CSNK1G1: variants seen among roughly 807,000 people sequenced by gnomAD.
The protein encoded by CSNK1G1 is casein kinase I isoform gamma-1.
In CSNK1G1, 22 loss-of-function variants were observed where a neutral mutation model predicts 59.6. That is an observed-to-expected ratio of 0.37 (90% CI 0.26 to 0.53). The LOEUF is 0.53. Among genes scored for constraint, CSNK1G1 ranks in the 20% least tolerant of loss-of-function variants. CSNK1G1 has a pLI of 0.89. For missense variants in CSNK1G1, 384 were observed against 519.5 expected, an observed-to-expected ratio of 0.74 and a Z score of 2.54; for synonymous variants, 179 against 177.1, an observed-to-expected ratio of 1.01 and a Z score of -0.08.
intron 4 of CSNK1G1, among the ~76,000 whole-genome samples, chr15:64,246,852 T>C (rs1363918182): frequency 6.6e-6 from 1 of 152,152 alleles, no homozygotes; most frequent in Non-Finnish European, 1.5e-5. Flanking sequence ...ACCTACCCTC[T>C]AAACCCTCAA....
At chr15:64,207,970 GAGCAGCAGATTA>G (rs1218682355) in intron 6 of CSNK1G1, among the ~76,000 whole-genome samples, 4 of 152,180 alleles carry the variant, frequency 2.6e-5, no homozygotes, top group African/African-American at 9.7e-5. Flanking sequence ...ACCAGAGAGT[GAGCAGCAGATTA>G]AGCAACCCAA....
chr15:64,217,089 T>C (rs149435310), intron 4 of CSNK1G1, among the ~76,000 whole-genome samples: 1,701 of 152,344 alleles, frequency 0.011, 17 homozygotes, highest in Middle Eastern at 0.034. Flanking sequence ...CAGGCTAACA[T>C]AACTTGTTAC....
chr15:64,327,725 T>C (rs1896925434), intron 1 of CSNK1G1, among the ~76,000 whole-genome samples: 1 of 149,856 alleles, frequency 6.7e-6, no homozygotes, highest in Non-Finnish European at 1.5e-5. Context: ...CAAATTACTC[T>C]GAGCTACGGG....
intron 1 of CSNK1G1, among the ~76,000 whole-genome samples, chr15:64,353,134 A>C (rs926509189): frequency 6.6e-6 from 1 of 152,192 alleles, no homozygotes; most frequent in African/African-American, 2.4e-5. Flanking sequence ...CACAAAACTT[A>C]TGAACTTCTC....
intron 4 of CSNK1G1, among the ~76,000 whole-genome samples, chr15:64,222,437 C>A (rs373942929): frequency 0.17 from 11,612 of 68,544 alleles, 1,104 homozygotes; most frequent in African/African-American, 0.25. Context: ...ACAACACCAC[C>A]AAAAAAAAAA....
In CSNK1G1 at chr15:64,308,341, C is replaced by T. The variant is rs923625767; in HGVS notation, c.-224-7618G>A. On this transcript the variant is annotated intron_variant, in intron 1 of 11. Coordinates refer to ENST00000303052, the MANE Select transcript of CSNK1G1 (RefSeq NM_022048.5). ...CTCAAACTCCTGGGTTCAAGAGATC[C>T]TCCAGCCTTGGCCTCCCACAGTGTT... Among the ~76,000 whole-genome samples, 14 of 152,102 alleles carry T rather than the reference C, an allele frequency of 9.2e-5. 1 individual carries two copies. Among genetic ancestry groups the T allele is most frequent in the Admixed American group, 8.5e-4 (13 of 15,270 alleles).
intron 10 of CSNK1G1, among the ~76,000 whole-genome samples, chr15:64,183,738 CTTT>C (rs917788710): frequency 2.1e-5 from 3 of 141,692 alleles, no homozygotes; most frequent in African/African-American, 2.6e-5. Context: ...TTATGTTTTT[CTTT>C]TTTTTTTTTT....
chr15:64,223,805 T>G (rs1455630724), intron 4 of CSNK1G1, among the ~76,000 whole-genome samples: 4 of 152,194 alleles, frequency 2.6e-5, no homozygotes, highest in Non-Finnish European at 5.9e-5. Flanking sequence ...GCCAGACATA[T>G]GGCTCACACG....
intron 4 of CSNK1G1, among the ~76,000 whole-genome samples, chr15:64,217,418 T>C (rs2140270021): frequency 6.6e-6 from 1 of 152,350 alleles, no homozygotes; most frequent in East Asian, 1.9e-4. Flanking sequence ...ATCCAGACTT[T>C]CTCACCTAAG....
chr15:64,178,482 C>CT (rs1175775132), intron 11 of CSNK1G1, among the ~76,000 whole-genome samples: 10,309 of 123,714 alleles, frequency 0.083, 608 homozygotes, highest in African/African-American at 0.15. Flanking sequence ...CAAAAATTTT[C>CT]TTTTTTTTTT....
intron 2 of CSNK1G1, among the ~76,000 whole-genome samples, chr15:64,279,302 C>T (rs76854145): frequency 3.9e-5 from 6 of 152,242 alleles, no homozygotes; most frequent in African/African-American, 1.4e-4. Flanking sequence ...CTTATCACAA[C>T]CAAAGGTAAT....
chr15:64,352,444 C>CTTTTTTTTTTTTTTTTTTTTTTTTT (rs1566958692), intron 1 of CSNK1G1, among the ~76,000 whole-genome samples: 2 of 79,922 alleles, frequency 2.5e-5, no homozygotes, highest in African/African-American at 4.2e-5. Context: ...AATTTGAATT[C>CTTTTTTTTTTTTTTTTTTTTTTTTT]TTCTTTTTTT....
In CSNK1G1 at chr15:64,216,699, G is replaced by T; in HGVS notation, c.307C>A (p.Gln103Lys). ...CCACATGGTCCAAAGTAATACACCTGTGGGAGACCTTCACCTGAAAGCAGA... is the reference window on the plus strand; with the variant it reads ...CCACATGGTCCAAAGTAATACACCTTTGGGAGACCTTCACCTGAAAGCAGA... Reference protein sequence around the residue: ...QLGSAGEGLPQVYYFGPCGKY... With the variant: ...QLGSAGEGLPKVYYFGPCGKY... The change falls in exon 5 of 12, where the codon CAG becomes AAG. Residue 103 changes from glutamine to lysine, a missense_variant. Physicochemically the swap from Gln to Lys is moderately conservative, Grantham distance 53 (BLOSUM62 1). Coordinates refer to ENST00000303052, the MANE Select transcript of CSNK1G1 (RefSeq NM_022048.5). This position sits in a 1 kb window ranked among gnomAD's most constrained non-coding sequence, Gnocchi z 4.6. The T allele has an allele frequency of 6.2e-7, 1 of 1,614,106 alleles. No homozygotes were observed. Among genetic ancestry groups the T allele is most frequent in the Non-Finnish European group, 8.5e-7 (1 of 1,179,956 alleles).
intron 1 of CSNK1G1, among the ~76,000 whole-genome samples, chr15:64,332,455 A>G (rs1316089174): frequency 7.6e-6 from 1 of 130,810 alleles, no homozygotes; most frequent in African/African-American, 2.8e-5. Flanking sequence ...ATTCTCACTC[A>G]TAGGTGGGAA....
In CSNK1G1 at chr15:64,259,411, T is replaced by C. The variant is rs1426616011; in HGVS notation, c.182-170A>G. 2.0e-5 allele frequency among the ~76,000 whole-genome samples: 3 copies of C among 151,914 alleles called. No individual in the cohort carries two copies. The East Asian group carries it at 5.8e-4, about 29-fold the overall frequency. ...CAGAGATAATGAGATCTAGCAAGGC[T>C]AGAACAGCTTGAAAATTTAGAAATT... On this transcript the variant is annotated intron_variant, in intron 2 of 11. Transcript: ENST00000303052.
At chr15:64,327,317 C>G (rs1041151769) in intron 1 of CSNK1G1, among the ~76,000 whole-genome samples, 7 of 150,034 alleles carry the variant, frequency 4.7e-5, no homozygotes, top group African/African-American at 1.7e-4. Context: ...CAGCACGCAG[C>G]TGGAGATCTG....
intron 4 of CSNK1G1, among the ~76,000 whole-genome samples, chr15:64,236,142 CAAAAAAA>C (rs532663571): frequency 4.4e-5 from 3 of 68,032 alleles, no homozygotes; most frequent in Non-Finnish European, 1.0e-4. Context: ...GACTCCATCT[CAAAAAAA>C]AAAAAAAAAA....
At chr15:64,266,193 G>T (rs902680970) in intron 2 of CSNK1G1, among the ~76,000 whole-genome samples, 2 of 151,964 alleles carry the variant, frequency 1.3e-5, no homozygotes, top group African/African-American at 4.8e-5. Flanking sequence ...CTCCTGAGTA[G>T]CTGGGACTAT....
At chr15:64,320,793 T>C (rs768714505) in intron 1 of CSNK1G1, among the ~76,000 whole-genome samples, 1 of 152,092 alleles carries the variant, frequency 6.6e-6, no homozygotes, top group Non-Finnish European at 1.5e-5. Context: ...AATCTCCCAG[T>C]TTTTATATGT....
Sources: allele counts gnomAD v4.1 joint callset (sites outside exome capture counted in the v4.1 genomes callset), GRCh38; gene constraint gnomAD v4.1.1; non-coding constraint Gnocchi (gnomAD v3.1); transcripts MANE v1.5; gene names NCBI Gene and HGNC (gene_info 2026-07-23, HGNC 2026-07-21).